Variants in PTPRJ observed in about 807,000 individuals in gnomAD.
PTPRJ encodes receptor-type tyrosine-protein phosphatase eta.
A neutral mutation model predicts 141.3 loss-of-function variants in PTPRJ; 129 were observed. The ratio of observed to expected loss-of-function variants is 0.91; its 90% CI spans 0.79 to 1.06. The LOEUF is 1.06. Ranked by LOEUF, PTPRJ falls within the 50% of genes least tolerant of loss-of-function variation. The probability of loss-of-function intolerance (pLI) is 0.00; values close to 1 mark genes in which losing one functional copy is unlikely to be tolerated. For missense variants in PTPRJ, 1,601 were observed against 1,679.7 expected (o/e 0.95, Z 0.82); for synonymous variants, 610 against 640.5 (o/e 0.95, Z 0.72).
At chr11:47,990,627 G>T (rs181094919) in intron 1 of PTPRJ, among the ~76,000 whole-genome samples, 2 of 151,368 alleles carry the variant, frequency 1.3e-5, no homozygotes. Flanking sequence ...GGCCAGGCTG[G>T]TCTGGAACTG....
intron 1 of PTPRJ, among the ~76,000 whole-genome samples, chr11:48,066,592 A>G (rs1247176107): frequency 7.2e-6 from 1 of 138,240 alleles, no homozygotes; most frequent in Non-Finnish European, 1.6e-5. Flanking sequence ...TATTATTATT[A>G]TTATTATTAT....
intron 1 of PTPRJ, among the ~76,000 whole-genome samples, chr11:47,991,961 C>T (rs983733471): frequency 2.0e-5 from 3 of 152,078 alleles, no homozygotes; most frequent in Non-Finnish European, 2.9e-5. Flanking sequence ...ATTTACAATT[C>T]AAAAATTAAA....
chr11:48,146,817 C>G, intron 14 of PTPRJ, 59 bp from the exon 15 acceptor site: 1 of 1,436,232 alleles, frequency 7.0e-7, no homozygotes, highest in Non-Finnish European at 9.8e-7. Flanking sequence ...CAGTTTTTAG[C>G]ACATTGTGTG....
intron 1 of PTPRJ, among the ~76,000 whole-genome samples, chr11:48,043,419 C>T (rs533269229): frequency 6.6e-6 from 1 of 152,208 alleles, no homozygotes; most frequent in Admixed American, 6.5e-5. Context: ...CAGAACCATA[C>T]TCCTCAGGCC....
intron 1 of PTPRJ, among the ~76,000 whole-genome samples, chr11:47,989,792 A>G (rs1024294516): frequency 2.0e-5 from 3 of 152,164 alleles, no homozygotes; most frequent in Admixed American, 1.3e-4. Flanking sequence ...AGAGATAAAT[A>G]AGACCCTAGG....
intron 4 of PTPRJ, among the ~76,000 whole-genome samples, chr11:48,122,982 G>A (rs961448192): frequency 4.6e-5 from 7 of 152,112 alleles, no homozygotes; most frequent in South Asian, 2.1e-4. Flanking sequence ...CTGGGTCTTC[G>A]TGTTCTTATT....
intron 1 of PTPRJ, among the ~76,000 whole-genome samples, chr11:47,981,784 G>A (rs1267492857): frequency 1.3e-5 from 2 of 152,100 alleles, no homozygotes; most frequent in Non-Finnish European, 1.5e-5. Context: ...CTGAGGCAGA[G>A]CAGCTGAAGG....
intron 1 of PTPRJ, among the ~76,000 whole-genome samples, chr11:47,989,809 AAG>A (rs1256523765): frequency 6.6e-6 from 1 of 152,084 alleles, no homozygotes; most frequent in African/African-American, 2.4e-5. Context: ...TAGGGTGGTG[AAG>A]AGAGCATAGA....
intron 1 of PTPRJ, among the ~76,000 whole-genome samples, chr11:48,037,628 A>G (rs1854161593): frequency 6.6e-6 from 1 of 152,182 alleles, no homozygotes; most frequent in African/African-American, 2.4e-5. Context: ...CCTGGCCAAC[A>G]TGGTGAAACC....
chr11:48,064,885 T>C (rs1413202524), intron 1 of PTPRJ, among the ~76,000 whole-genome samples: 1 of 151,430 alleles, frequency 6.6e-6, no homozygotes, highest in Admixed American at 6.6e-5. Context: ...CCTTCCAAAG[T>C]GCTAGGATTA....
intron 1 of PTPRJ, among the ~76,000 whole-genome samples, chr11:48,005,981 C>A (rs540956601): frequency 2.6e-5 from 4 of 152,174 alleles, no homozygotes; most frequent in African/African-American, 9.6e-5. Context: ...CTGGGCCAGG[C>A]GATTGCAGTG....
chr11:48,119,018 C>CAAAAA (rs59349969), intron 3 of PTPRJ, among the ~76,000 whole-genome samples: 16 of 87,008 alleles, frequency 1.8e-4, no homozygotes, highest in South Asian at 5.1e-4. Context: ...GACTTCGTCT[C>CAAAAA]AAAAAAAAAA....
At chr11:48,141,937 T>TG (rs1241811073) in intron 11 of PTPRJ, among the ~76,000 whole-genome samples, 1 of 107,950 alleles carries the variant, frequency 9.3e-6, no homozygotes, top group Non-Finnish European at 2.3e-5. Flanking sequence ...TTCCCCAATG[T>TG]GTTTTTTTTT....
intron 1 of PTPRJ, among the ~76,000 whole-genome samples, chr11:47,985,657 G>A (rs954363111): frequency 4.0e-5 from 6 of 151,834 alleles, no homozygotes; most frequent in Non-Finnish European, 8.8e-5. Context: ...GCAGCTAAGA[G>A]AGGAGGTGGC....
rs184189260 is a variant in PTPRJ, at chr11:48,013,651, C to T, written c.96+32643C>T. Among the ~76,000 whole-genome samples, 14 of 152,120 alleles carry T rather than the reference C, an allele frequency of 9.2e-5. No homozygotes were observed. In the East Asian group the frequency reaches 2.3e-3, roughly 25 times the overall value. On this transcript the variant is annotated intron_variant, in intron 1 of 24. Transcript: ENST00000418331. Reference sequence around the variant, plus strand: ...GGGTGGTGGCATCAACCTGCAGAGGCGGGGCAGTGGGGCAGCTCACGGCTG... The same window carrying T: ...GGGTGGTGGCATCAACCTGCAGAGGTGGGGCAGTGGGGCAGCTCACGGCTG...
At chr11:48,155,347 T>C (rs1857575586) in intron 19 of PTPRJ, among the ~76,000 whole-genome samples, 1 of 152,200 alleles carries the variant, frequency 6.6e-6, no homozygotes, top group African/African-American at 2.4e-5. Context: ...ATATATGAAC[T>C]TGGAGAAGTC....
chr11:48,159,908 TA>T lies in PTPRJ; in HGVS notation c.3439-17del, dbSNP rs549790266. Reference sequence around the variant, plus strand: ...AGATGGCATGATCTGAGTCTTCTTATAAAAATGCAATTTTGTTCTAGACCAA... The same window carrying T: ...AGATGGCATGATCTGAGTCTTCTTATAAAATGCAATTTTGTTCTAGACCAA... On this transcript the variant is annotated intron_variant, in intron 21 of 24. Transcript: ENST00000418331. The T allele has an allele frequency of 3.8e-3, 6,101 of 1,613,174 alleles. 18 individuals carry two copies. Among genetic ancestry groups the T allele is most frequent in the Non-Finnish European group, 4.9e-3 (5,728 of 1,179,320 alleles).
intron 1 of PTPRJ, among the ~76,000 whole-genome samples, chr11:48,041,769 C>T (rs1414669947): frequency 6.6e-6 from 1 of 151,992 alleles, no homozygotes; most frequent in Non-Finnish European, 1.5e-5. Flanking sequence ...GGACCACAGG[C>T]ACGTGCCACC....
chr11:48,014,860 G>A (rs1443318499), intron 1 of PTPRJ, among the ~76,000 whole-genome samples: 1 of 152,102 alleles, frequency 6.6e-6, no homozygotes, highest in East Asian at 1.9e-4. Context: ...GCGCCACCAT[G>A]CCCGGCTAAT....
Sources: allele counts gnomAD v4.1 joint callset (sites outside exome capture counted in the v4.1 genomes callset), GRCh38; gene constraint gnomAD v4.1.1; transcripts MANE v1.5; gene names NCBI Gene and HGNC (gene_info 2026-07-23, HGNC 2026-07-21).